The following NAALADL2 variants were observed in gnomAD, a reference collection of about 807,000 sequenced individuals.
NAALADL2 encodes inactive N-acetylated-alpha-linked acidic dipeptidase-like protein 2.
Under a neutral mutation model 87.2 loss-of-function variants are expected in NAALADL2, and 76 were observed. The observed-to-expected ratio is 0.87, with a 90% CI of 0.72 to 1.05. NAALADL2 has a LOEUF of 1.05. Ranked by LOEUF, NAALADL2 falls within the 50% of genes least tolerant of loss-of-function variation. The probability of loss-of-function intolerance (pLI) is 0.00; values close to 1 mark genes in which losing one functional copy is unlikely to be tolerated. For synonymous variants in NAALADL2, 354 were observed against 331.0 expected, an observed-to-expected ratio of 1.07 and a Z score of -0.75; for missense variants, 1,089 against 945.8, an observed-to-expected ratio of 1.15 and a Z score of -1.99.
At chr3:175,150,534 T>C (rs1731399480) in intron 2 of NAALADL2, among the ~76,000 whole-genome samples, 2 of 152,186 alleles carry the variant, frequency 1.3e-5, no homozygotes, top group African/African-American at 2.4e-5. Context: ...AAATAGTTGT[T>C]TGATCACGTT....
chr3:175,093,029 T>C (rs1168769827), intron 1 of NAALADL2, among the ~76,000 whole-genome samples: 2 of 151,910 alleles, frequency 1.3e-5, no homozygotes, highest in Non-Finnish European at 2.9e-5. Flanking sequence ...CTCTTTTAGA[T>C]AATTATTCAT....
At chr3:175,080,772 T>C (rs560898025) in intron 1 of NAALADL2, among the ~76,000 whole-genome samples, 3 of 152,346 alleles carry the variant, frequency 2.0e-5, no homozygotes, top group South Asian at 2.1e-4. Context: ...GTCCAGTGCC[T>C]AGTAAATATC....
chr3:174,647,500 T>G (rs565424219), intron 2 of NAALADL2, among the ~76,000 whole-genome samples: 1 of 152,330 alleles, frequency 6.6e-6, no homozygotes, highest in Non-Finnish European at 1.5e-5. Context: ...AGACTTGATT[T>G]TTTGAGACAA....
chr3:174,570,348 T>C (rs529019108), intron 2 of NAALADL2, among the ~76,000 whole-genome samples: 3 of 152,288 alleles, frequency 2.0e-5, no homozygotes, highest in African/African-American at 7.2e-5. Flanking sequence ...TTAACATTTG[T>C]ATAGCTACCT....
At position 175,362,796 on chromosome 3, in the gene NAALADL2, C is replaced by T. The variant is rs928770391; in HGVS notation, c.1090+38471C>T. 1.6e-4 allele frequency among the ~76,000 whole-genome samples: 24 copies of T among 147,894 alleles called. 1 individual carries two copies. Among genetic ancestry groups the T allele is most frequent in the African/African-American group, 5.2e-4 (21 of 40,710 alleles). ...GTGGTTGTACTAGTTTGCATTCCCG[C>T]CAGCAGTGTAGAACTGTTTCCTGTT... On this transcript the variant is annotated intron_variant, in intron 5 of 13. Transcript: ENST00000454872.
intron 11 of NAALADL2, among the ~76,000 whole-genome samples, chr3:175,663,180 T>C (rs1477146502): frequency 3.3e-5 from 5 of 151,608 alleles, no homozygotes; most frequent in Non-Finnish European, 7.4e-5. Flanking sequence ...TATTTTAATT[T>C]TTCTGCCTAG....
chr3:175,193,675 A>G (rs1738546382), intron 2 of NAALADL2, among the ~76,000 whole-genome samples: 1 of 151,932 alleles, frequency 6.6e-6, no homozygotes, highest in Non-Finnish European at 1.5e-5. Context: ...AAAAACAAAA[A>G]ACAAAAACAA....
At chr3:174,585,653 G>T (rs183872267) in intron 2 of NAALADL2, among the ~76,000 whole-genome samples, 340 of 145,412 alleles carry the variant, frequency 2.3e-3, no homozygotes, top group Non-Finnish European at 3.8e-3. Flanking sequence ...TCAAAAGATA[G>T]TTTTTTTTGT....
intron 1 of NAALADL2, among the ~76,000 whole-genome samples, chr3:174,934,054 A>G (rs1465084927): frequency 2.0e-5 from 3 of 152,142 alleles, no homozygotes; most frequent in African/African-American, 4.8e-5. Flanking sequence ...TATTTAAATA[A>G]TATCTGTAAA....
At chr3:174,639,418 T>A (rs1332625208) in intron 2 of NAALADL2, among the ~76,000 whole-genome samples, 1 of 152,194 alleles carries the variant, frequency 6.6e-6, no homozygotes, top group Non-Finnish European at 1.5e-5. Context: ...TGTGGGTCTT[T>A]GCGCAACTTT....
chr3:175,132,158 G>A (rs866512019), intron 2 of NAALADL2, among the ~76,000 whole-genome samples: 2,628 of 104,830 alleles, frequency 0.025, 166 homozygotes, highest in African/African-American at 0.074. Flanking sequence ...CCTCCCTCCC[G>A]GACGGGGCAG....
chr3:175,438,663 G>A (rs1371994941), intron 5 of NAALADL2, among the ~76,000 whole-genome samples: 1 of 151,882 alleles, frequency 6.6e-6, no homozygotes, highest in Non-Finnish European at 1.5e-5. Context: ...AATTATAATA[G>A]TTAAAAACCA....
rs1736995012 is a variant in NAALADL2 at position 175,691,228 on chromosome 3, ATC to A, written c.1897-46074_1897-46073del. ...TATAAATGTATGTGTATATATATTT[ATC>A]TCTGTGTGTATATATACACACAGAT... On this transcript the variant is annotated intron_variant, in intron 11 of 13. Transcript: ENST00000454872. Among the ~76,000 whole-genome samples, 6 of 150,926 alleles carry A rather than the reference ATC, an allele frequency of 4.0e-5. No homozygotes were observed. In the South Asian group the frequency reaches 1.0e-3, roughly 26 times the overall value.
At chr3:175,157,651 C>G (rs1244409109) in intron 2 of NAALADL2, among the ~76,000 whole-genome samples, 1 of 152,062 alleles carries the variant, frequency 6.6e-6, no homozygotes. Context: ...CACTTACCAT[C>G]TATATAGCCA....
intron 12 of NAALADL2, among the ~76,000 whole-genome samples, chr3:175,745,107 G>A (rs1485750040): frequency 2.6e-5 from 4 of 152,184 alleles, no homozygotes; most frequent in Non-Finnish European, 5.9e-5. Flanking sequence ...TATTTATTAC[G>A]CTAGTTTACA....
At chr3:175,344,371 C>G (rs1762915775) in intron 5 of NAALADL2, among the ~76,000 whole-genome samples, 1 of 151,406 alleles carries the variant, frequency 6.6e-6, no homozygotes, top group Non-Finnish European at 1.5e-5. Flanking sequence ...AAGTAGACTA[C>G]CACTACCACT....
intron 5 of NAALADL2, among the ~76,000 whole-genome samples, chr3:175,408,629 G>A (rs972510370): frequency 1.3e-5 from 2 of 151,938 alleles, no homozygotes; most frequent in Non-Finnish European, 2.9e-5. Context: ...TGAATACTGC[G>A]ATGATGTGTT....
rs1464992530 is a variant in NAALADL2, at chr3:175,207,568, CACTGTT to C, written c.546-26359_546-26354del. On this transcript the variant is annotated intron_variant, in intron 2 of 13. Coordinates refer to ENST00000454872, the MANE Select transcript of NAALADL2 (RefSeq NM_207015.3). The stretch of plus-strand genomic sequence containing the variant: ...GTTCAGGTCATTACCCATTAGAACA[CACTGTT>C]ACTAAGAGGCATCTTTTGGTTTATT... 5.3e-5 allele frequency among the ~76,000 whole-genome samples: 8 copies of C among 152,144 alleles called. No homozygotes were observed. The East Asian group carries it at 1.2e-3, about 22-fold the overall frequency.
intron 2 of NAALADL2, among the ~76,000 whole-genome samples, chr3:174,625,384 T>C (rs1014068885): frequency 5.3e-5 from 8 of 152,052 alleles, no homozygotes; most frequent in Non-Finnish European, 7.4e-5. Flanking sequence ...GTAATGGCTG[T>C]ACACAGAAAA....
Sources: gnomAD v4.1 joint callset for allele counts (sites outside exome capture counted in the v4.1 genomes callset) on GRCh38, gnomAD v4.1.1 for gene constraint, MANE v1.5 for transcripts, NCBI Gene and HGNC (gene_info 2026-07-23, HGNC 2026-07-21) for gene names.